MTOR: variants seen among roughly 807,000 people sequenced by gnomAD.
MTOR encodes serine/threonine-protein kinase mTOR.
In MTOR, 70 loss-of-function variants were observed where a neutral mutation model predicts 319.8. The observed-to-expected ratio is 0.22, with a 90% CI of 0.18 to 0.27. The LOEUF is 0.27. Among genes scored for constraint, MTOR ranks in the 10% least tolerant of loss-of-function variants. The pLI, the probability that MTOR is intolerant of heterozygous loss-of-function variation, is 1.00. For synonymous variants in MTOR, 1,183 were observed against 1,211.4 expected (o/e 0.98, Z 0.49); for missense variants, 1,890 against 3,274.4 (o/e 0.58, Z 10.32).
Position 11,139,611 on chromosome 1 carries a change from C to T in MTOR, c.4920G>A (p.Arg1640=). The change falls in exon 35 of 58, where the codon CGG becomes CGA. Residue 1640 remains arginine, a synonymous_variant. Transcript: ENST00000361445. ...VEDWQKILMV[R]SLVVSPHEDM... ...CTTCATGAGGGCTGACCACAAGGGACCGCACCATAAGGATTTTCTGCCAGT... is the reference window on the plus strand; with the variant it reads ...CTTCATGAGGGCTGACCACAAGGGATCGCACCATAAGGATTTTCTGCCAGT... 6.2e-7 allele frequency: 1 copy of T among 1,614,218 alleles called. No individual in the cohort carries two copies. Among genetic ancestry groups the T allele is most frequent in the South Asian group, 1.1e-5 (1 of 91,084 alleles).
Position 11,238,615 on chromosome 1 carries a change from G to T in MTOR, c.1789C>A (p.His597Asn). The change falls in exon 12 of 58, where the codon CAC (histidine) becomes AAC (asparagine). Residue 597 changes from histidine to asparagine, a missense_variant and splice_region_variant. His to Asn is a moderately conservative substitution (Grantham distance 68). Around this residue, in one of 15 missense-constraint regions of MTOR, gnomAD observed 418 missense variants for 543.1 expected, o/e 0.77. Transcript: ENST00000361445. ...RTLGSFEFEGHSLTQFVRHCA... is the reference protein window; with the variant it reads ...RTLGSFEFEGNSLTQFVRHCA... ...TGGCGAACAAATTGGGTCAGAGAGT[G>T]GCCTGGATAGAAAGGCAGAGAGAAA... 1 of 1,606,426 alleles carries T rather than the reference G, an allele frequency of 6.2e-7. No individual in the cohort carries two copies. Among genetic ancestry groups the T allele is most frequent in the South Asian group, 1.1e-5 (1 of 90,768 alleles).
At chr1:11,130,830 G>A (rs2100434504) in intron 38 of MTOR, 53 bp from the exon 39 acceptor site, 1 of 1,531,724 alleles carries the variant, frequency 6.5e-7, no homozygotes, top group Non-Finnish European at 8.8e-7. Flanking sequence ...CAACAGCAGG[G>A]CTCAGAGGAG....
Position 11,232,944 on chromosome 1 carries a change from CCT to C in MTOR, c.2422-418_2422-417del, listed in dbSNP as rs373979309. 622 of 754,364 alleles carry C rather than the reference CCT, an allele frequency of 8.2e-4. 2 individuals carry two copies. The African/African-American group carries it at 9.5e-3, about 12-fold the overall frequency. 46.7% of individuals were successfully genotyped at this position (754,364 alleles called of 1,614,324 possible). On this transcript the variant is annotated intron_variant, in intron 15 of 57. Coordinates refer to ENST00000361445, the MANE Select transcript of MTOR (RefSeq NM_004958.4). ...CCTTTCTCCACCATCATGGTGTGTGCCTGACTCTGATTCTTGCCATTCTTCTC... is the reference window on the plus strand; with the variant it reads ...CCTTTCTCCACCATCATGGTGTGTGCGACTCTGATTCTTGCCATTCTTCTC...
intron 5 of MTOR, among the ~76,000 whole-genome samples, 172 bp from the exon 6 acceptor site, chr1:11,254,145 AT>A (rs879781709): frequency 1.0e-4 from 15 of 146,522 alleles, no homozygotes; most frequent in Non-Finnish European, 1.5e-4. Flanking sequence ...TTCAGCTTCA[AT>A]TTTTTTTTTT....
chr1:11,119,258 C>G, intron 49 of MTOR, among the ~76,000 whole-genome samples: 1 of 151,876 alleles, frequency 6.6e-6, no homozygotes, highest in East Asian at 1.9e-4. Context: ...CAGTGAAACC[C>G]TGTCTCTACT....
At chr1:11,247,510 G>C in intron 8 of MTOR, 115 bp downstream of exon 8, 1 of 863,512 alleles carries the variant, frequency 1.2e-6, no homozygotes, top group Non-Finnish European at 1.8e-6. Context: ...ATGAGACAAA[G>C]AAATCAGAGA....
chr1:11,223,739 T>C (rs1292221932), intron 19 of MTOR, among the ~76,000 whole-genome samples: 1 of 151,838 alleles, frequency 6.6e-6, no homozygotes, highest in East Asian at 1.9e-4. Context: ...AGTAAGATGG[T>C]GGAAATAAAC....
intron 49 of MTOR, among the ~76,000 whole-genome samples, chr1:11,120,931 C>T (rs1642493286): frequency 6.6e-6 from 1 of 152,062 alleles, no homozygotes; most frequent in Non-Finnish European, 1.5e-5. Flanking sequence ...CAAACAAAAA[C>T]TCCAAACCAA....
intron 30 of MTOR, among the ~76,000 whole-genome samples, chr1:11,153,513 T>C (rs1210748621): frequency 6.6e-6 from 1 of 152,224 alleles, no homozygotes; most frequent in East Asian, 1.9e-4. Context: ...TTCCATCTCG[T>C]TTTATCTTTC....
In MTOR at chr1:11,115,131, C is replaced by G. The variant is rs1304950967; in HGVS notation, c.7090-244G>C. On this transcript the variant is annotated intron_variant, in intron 51 of 57. Coordinates refer to ENST00000361445, the MANE Select transcript of MTOR (RefSeq NM_004958.4). This position sits in a 1 kb window ranked among gnomAD's most constrained non-coding sequence, Gnocchi z 4.5. ...GAAAAAAGACAAATGTGCATCGTGT[C>G]CAGGCTCTTGGGCAACAGGTGGTAT... is the stretch of plus-strand genomic sequence containing the variant. Among the ~76,000 whole-genome samples the G allele has an allele frequency of 1.3e-5, 2 of 151,994 alleles. No homozygotes were observed. Among genetic ancestry groups the G allele is most frequent in the Non-Finnish European group, 2.9e-5 (2 of 68,002 alleles).
chr1:11,256,399 C>T lies in MTOR; in HGVS notation c.505-207G>A, dbSNP rs140265324. 377 of 855,992 alleles carry T rather than the reference C, an allele frequency of 4.4e-4. 3 individuals carry two copies. In the African/African-American group the frequency reaches 6.6e-3, roughly 15 times the overall value. 53.0% of individuals were successfully genotyped at this position (855,992 alleles called of 1,614,324 possible). ...CATTATCCTAGGTTGTTTACAAACA[C>T]AGAATGCTTGTAATGTTTGAACATA... On this transcript the variant is annotated intron_variant, in intron 4 of 57. Coordinates refer to ENST00000361445, the MANE Select transcript of MTOR (RefSeq NM_004958.4).
intron 38 of MTOR, 176 bp from the exon 39 acceptor site, chr1:11,130,953 C>CAAAGTGAGTGGA: frequency 1.3e-6 from 1 of 789,306 alleles, no homozygotes; most frequent in Non-Finnish European, 2.0e-6. Context: ...ACATGATCCA[C>CAAAGTGAGTGGA]TCACTTTGTG....
chr1:11,257,065 TTC>T lies in MTOR; in HGVS notation c.370_371del (p.Glu124AsnfsTer19). 6.2e-7 allele frequency: 1 copy of T among 1,614,144 alleles called. No individual in the cohort carries two copies. Among genetic ancestry groups the T allele is most frequent in the Non-Finnish European group, 8.5e-7 (1 of 1,180,024 alleles). On this transcript the variant is annotated frameshift_variant, in exon 4 of 58. Transcript: ENST00000361445. LOFTEE classifies it high-confidence loss of function. ...LLPSNDPVVM[E>X]MASKAIGRLA... ...GACGGCCAATGGCCTTGGATGCCAT[TTC>T]CATGACAACTGGGTCATTGGAGGGG...
Position 11,192,983 on chromosome 1 carries a change from G to T in MTOR, c.4253+6275C>A, listed in dbSNP as rs573721153. Among the ~76,000 whole-genome samples, 5 of 152,026 alleles carry T rather than the reference G, an allele frequency of 3.3e-5. No individual in the cohort carries two copies. The East Asian group carries it at 9.7e-4, about 30-fold the overall frequency. ...TGTCCTAGAACAGCTATTCCTTGGGGGAGGAGAAAAGAAAACACGAAGGCA... is the reference window on the plus strand; with the variant it reads ...TGTCCTAGAACAGCTATTCCTTGGGTGAGGAGAAAAGAAAACACGAAGGCA... On this transcript the variant is annotated intron_variant, in intron 28 of 57. Transcript: ENST00000361445.
intron 46 of MTOR, 123 bp downstream of exon 46, chr1:11,126,499 G>T: frequency 9.0e-7 from 1 of 1,115,682 alleles, no homozygotes; most frequent in African/African-American, 1.6e-5. Flanking sequence ...CAATGAGCAT[G>T]GGAGAGATGT....
In MTOR at chr1:11,109,386, G is replaced by T. The variant is rs754052777; in HGVS notation, c.7448-16C>A. On this transcript the variant is annotated splice_polypyrimidine_tract_variant and intron_variant, in intron 55 of 57. Transcript: ENST00000361445. The surrounding 1 kb of genome is among the most constrained non-coding windows in gnomAD (Gnocchi z 4.0). ...CCGTCTCCAACTGGAATACACAAAA[G>T]TAGAAATAACTGTAAGAATGGGAGC... 5.0e-6 allele frequency: 8 copies of T among 1,611,314 alleles called. No individual in the cohort carries two copies. The highest frequency in any genetic ancestry group is 6.8e-6 in the Non-Finnish European group (8 of 1,177,848).
At chr1:11,215,114 G>GT (rs1373219533) in intron 20 of MTOR, among the ~76,000 whole-genome samples, 1 of 152,178 alleles carries the variant, frequency 6.6e-6, no homozygotes, top group Non-Finnish European at 1.5e-5. Context: ...AATTCCCTGT[G>GT]TTTTGGTCAT....
intron 49 of MTOR, among the ~76,000 whole-genome samples, chr1:11,118,587 G>C (rs1350568389): frequency 6.6e-6 from 1 of 150,516 alleles, no homozygotes; most frequent in African/African-American, 2.4e-5. Context: ...GGAGTGTAAT[G>C]GCTTTTCATA....
chr1:11,240,207 C>A, intron 11 of MTOR, 96 bp downstream of exon 11: 1 of 1,475,248 alleles, frequency 6.8e-7, no homozygotes, highest in Non-Finnish European at 9.0e-7. Flanking sequence ...GTCTTTAGCA[C>A]CCCAGCAAGA....
Sources: allele counts gnomAD v4.1 joint callset (sites outside exome capture counted in the v4.1 genomes callset), GRCh38; gene constraint gnomAD v4.1.1; regional missense constraint gnomAD v4.1.1; non-coding constraint Gnocchi (gnomAD v3.1); transcripts MANE v1.5; gene names NCBI Gene and HGNC (gene_info 2026-07-23, HGNC 2026-07-21).